FLOT1: variants seen among roughly 807,000 people sequenced by gnomAD.
FLOT1 encodes flotillin 1.
FLOT1 carries 40 observed loss-of-function variants against 58.4 expected under a neutral mutation model. That is an observed-to-expected ratio of 0.69 (90% confidence interval 0.53 to 0.89). FLOT1 has a LOEUF of 0.89. FLOT1 is among the 40% of genes least tolerant of loss of function. FLOT1 has a pLI of 0.00. For missense variants in FLOT1, 423 were observed against 540.8 expected, an observed-to-expected ratio of 0.78 and a Z score of 2.16; for synonymous variants, 178 against 204.2, an observed-to-expected ratio of 0.87 and a Z score of 1.09.
At chr6:30,732,428 T>C (rs1259296711) in intron 8 of FLOT1, among the ~76,000 whole-genome samples, 1 of 152,024 alleles carries the variant, frequency 6.6e-6, no homozygotes, top group Non-Finnish European at 1.5e-5. Flanking sequence ...CATGGCTCAC[T>C]GCAGCCTTGA....
In FLOT1 at chr6:30,742,296, C is replaced by G. The variant is rs780123746; in HGVS notation, c.-14-93G>C. On this transcript the variant is annotated intron_variant, in intron 1 of 12. Coordinates refer to ENST00000376389, the MANE Select transcript of FLOT1 (RefSeq NM_005803.4). The surrounding 1 kb of genome is among the most constrained non-coding windows in gnomAD (Gnocchi z 5.2). Reference sequence around the variant, plus strand: ...CCTTTCCCTTTCCCGTCAGGCCCTCCCAGTCTGCATCCGCCACGGCCCGTC... The same window carrying G: ...CCTTTCCCTTTCCCGTCAGGCCCTCGCAGTCTGCATCCGCCACGGCCCGTC... The G allele has an allele frequency of 9.2e-7, 1 of 1,087,776 alleles. No homozygotes were observed. The highest frequency in any genetic ancestry group is 2.4e-5 in the East Asian group (1 of 42,408). 67.4% of individuals were successfully genotyped at this position (1,087,776 alleles called of 1,614,324 possible).
chr6:30,737,236 CCG>C lies in FLOT1; in HGVS notation c.723+2920_723+2921del, dbSNP rs1358302943. Among the ~76,000 whole-genome samples the C allele has an allele frequency of 2.7e-5, 4 of 148,312 alleles. No homozygotes were observed. The highest frequency in any genetic ancestry group is 5.9e-5 in the Non-Finnish European group (4 of 67,480). Reference sequence around the variant, plus strand: ...TCCGTCCGTCCGTCCGTCCGTCCGTCCGTCCGTCCGTCCATCCGTCCATCCAT... The same window carrying C: ...TCCGTCCGTCCGTCCGTCCGTCCGTCTCCGTCCGTCCATCCGTCCATCCAT... On this transcript the variant is annotated intron_variant, in intron 8 of 12. Coordinates refer to ENST00000376389, the MANE Select transcript of FLOT1 (RefSeq NM_005803.4). This position sits in a 1 kb window ranked among gnomAD's most constrained non-coding sequence, Gnocchi z 4.4.
Position 30,740,843 on chromosome 6 carries a change from T to C in FLOT1, c.355-45A>G, listed in dbSNP as rs764007535. 4 of 1,565,498 alleles carry C rather than the reference T, an allele frequency of 2.6e-6. No individual in the cohort carries two copies. In the South Asian group the frequency reaches 4.7e-5, roughly 19 times the overall value. ...GGGAGAAGGGATGTAAGTTTTTTTTTTTTTTTTTTTTTTGCTCACTGCAAC... is the reference window on the plus strand; with the variant it reads ...GGGAGAAGGGATGTAAGTTTTTTTTCTTTTTTTTTTTTTGCTCACTGCAAC... On this transcript the variant is annotated intron_variant, in intron 5 of 12. Transcript: ENST00000376389.
In FLOT1 at chr6:30,730,929, C is replaced by T; in HGVS notation, c.895G>A (p.Glu299Lys). The T allele has an allele frequency of 1.9e-6, 3 of 1,612,576 alleles. No homozygotes were observed. Among genetic ancestry groups the T allele is most frequent in the Non-Finnish European group, 2.5e-6 (3 of 1,179,032 alleles). Residue 299 changes from glutamate (E) to lysine (K), a missense_variant, in exon 9 of 13, where the codon GAG becomes AAG. Glu to Lys is a moderately conservative substitution (Grantham distance 56). This residue lies in a region of FLOT1 where 106 missense variants were observed against 88.4 expected (regional missense o/e 1.20). Coordinates refer to ENST00000376389, the MANE Select transcript of FLOT1 (RefSeq NM_005803.4). ...AERYKLERLA[E>K]AEKSQLIMQA... is the part of the protein sequence containing the mutation. ...GGAGGGGACATTTACTTCTCTGCCTCGGCTAGGCGCTCCAGCTTGTAGCGC... is the reference window on the plus strand; with the variant it reads ...GGAGGGGACATTTACTTCTCTGCCTTGGCTAGGCGCTCCAGCTTGTAGCGC...
In FLOT1 at chr6:30,741,080, C is replaced by A; in HGVS notation, c.354+110G>T. On this transcript the variant is annotated intron_variant, in intron 5 of 12. Coordinates refer to ENST00000376389, the MANE Select transcript of FLOT1 (RefSeq NM_005803.4). This position sits in a 1 kb window ranked among gnomAD's most constrained non-coding sequence, Gnocchi z 5.9. The stretch of plus-strand genomic sequence containing the variant: ...GGGATTACAGGCATGAACCACCCTG[C>A]CCGGCCGGGATGTATGCTCTTGGAT... The A allele has an allele frequency of 3.7e-6, 5 of 1,364,694 alleles. No individual in the cohort carries two copies. The highest frequency in any genetic ancestry group is 5.1e-6 in the Non-Finnish European group (5 of 988,798). 84.5% of individuals were successfully genotyped at this position (1,364,694 alleles called of 1,614,324 possible).
chr6:30,733,697 G>A (rs1430001933), intron 8 of FLOT1, among the ~76,000 whole-genome samples: 1 of 143,266 alleles, frequency 7.0e-6, no homozygotes, highest in Non-Finnish European at 1.5e-5. Flanking sequence ...CTGAGATCAC[G>A]CCATTGCACT....
At chr6:30,729,558 C>T (rs1776999624) in intron 12 of FLOT1, among the ~76,000 whole-genome samples, 1 of 152,194 alleles carries the variant, frequency 6.6e-6, no homozygotes, top group Non-Finnish European at 1.5e-5. Context: ...AGCTAGCAGG[C>T]ATTGTAGCTA....
Position 30,740,899 on chromosome 6 carries a change from G to A in FLOT1, c.355-101C>T, listed in dbSNP as rs1241405890. 2.1e-6 allele frequency: 3 copies of A among 1,446,022 alleles called. No individual in the cohort carries two copies. The African/African-American group carries it at 4.8e-5, about 23-fold the overall frequency. The allele number at this position is 1,446,022 out of a possible 1,614,324, so 89.6% of individuals were successfully genotyped here. A position where few individuals can be genotyped will look rare whatever the true frequency, so the allele number is the denominator to read the frequency against. ...CCTCCTGGGTTCAAGTGATTCTCCTGCCTCAGCCTCCCAAGTAGCTGGGAT... is the reference window on the plus strand; with the variant it reads ...CCTCCTGGGTTCAAGTGATTCTCCTACCTCAGCCTCCCAAGTAGCTGGGAT... On this transcript the variant is annotated intron_variant, in intron 5 of 12. Transcript: ENST00000376389.
At chr6:30,729,225 C>A (rs1776974236) in intron 12 of FLOT1, among the ~76,000 whole-genome samples, 1 of 151,966 alleles carries the variant, frequency 6.6e-6, no homozygotes, top group African/African-American at 2.4e-5. Flanking sequence ...CAGGCATGCA[C>A]CACCAAGCCT....
chr6:30,729,068 G>A (rs1004954942), intron 12 of FLOT1, among the ~76,000 whole-genome samples: 14 of 149,272 alleles, frequency 9.4e-5, no homozygotes, highest in South Asian at 6.3e-4. Flanking sequence ...ATGAGCTACC[G>A]CGCCTGGAAT....
chr6:30,729,257 T>A (rs1776977709), intron 12 of FLOT1, among the ~76,000 whole-genome samples: 1 of 151,694 alleles, frequency 6.6e-6, no homozygotes, highest in Admixed American at 6.6e-5. Context: ...TTTTGTATTT[T>A]TAGTAAAGAT....
chr6:30,740,796 C>G lies in FLOT1; in HGVS notation c.357G>C (p.Glu119Asp). 6.2e-7 allele frequency: 1 copy of G among 1,608,206 alleles called. No individual in the cohort carries two copies. Among genetic ancestry groups the G allele is most frequent in the Non-Finnish European group, 8.5e-7 (1 of 1,177,324 alleles). The change falls in exon 6 of 13, where the codon GAG (glutamate) becomes GAC (aspartate). Residue 119 changes from glutamate (E) to aspartate (D), a missense_variant and splice_region_variant. Glu to Asp is a conservative substitution (Grantham distance 45, BLOSUM62 2). This residue lies in a region of FLOT1 where 137 missense variants were observed against 194.6 expected (regional missense o/e 0.70). Transcript: ENST00000376389. ...RAIMAHMTVE[E>D]IYKDRQKFSE... Reference sequence around the variant, plus strand: ...AGAATTTCTGCCTGTCCTTATAGATCTCCTGTGATAACAGGATGGTGGGGA... The same window carrying G: ...AGAATTTCTGCCTGTCCTTATAGATGTCCTGTGATAACAGGATGGTGGGGA...
In FLOT1 at chr6:30,741,967, T is replaced by C. The variant is rs1778024344; in HGVS notation, c.44-100A>G. On this transcript the variant is annotated intron_variant, in intron 2 of 12. Coordinates refer to ENST00000376389, the MANE Select transcript of FLOT1 (RefSeq NM_005803.4). The surrounding 1 kb of genome is among the most constrained non-coding windows in gnomAD (Gnocchi z 5.9). ...GGACAGCAACCCACAGGAGAGAATC[T>C]GGGAGCTGGAGGGGAAGCAGTCTGG... 1 of 1,266,548 alleles carries C rather than the reference T, an allele frequency of 7.9e-7. No homozygotes were observed. Among genetic ancestry groups the C allele is most frequent in the Non-Finnish European group, 1.1e-6 (1 of 878,352 alleles). The allele number at this position is 1,266,548 out of a possible 1,614,324, so 78.5% of individuals were successfully genotyped here. A position where few individuals can be genotyped will look rare whatever the true frequency, so the allele number is the denominator to read the frequency against.
intron 8 of FLOT1, among the ~76,000 whole-genome samples, chr6:30,731,736 A>G (rs1382901789): frequency 6.6e-6 from 1 of 152,184 alleles, no homozygotes; most frequent in African/African-American, 2.4e-5. Flanking sequence ...GGCTACTGCA[A>G]TAGCTGACTT....
At chr6:30,730,395 C>T (rs781454411) in intron 11 of FLOT1, 33 bp downstream of exon 11, 8 of 1,541,608 alleles carry the variant, frequency 5.2e-6, no homozygotes, top group Non-Finnish European at 7.0e-6. Flanking sequence ...GGTTCTATTT[C>T]CTCCTTTCTT....
intron 8 of FLOT1, among the ~76,000 whole-genome samples, chr6:30,734,309 C>CTT (rs568968027): frequency 1.9e-4 from 26 of 135,834 alleles, no homozygotes; most frequent in African/African-American, 3.8e-4. Context: ...ATGTGCTTGA[C>CTT]TTTTTTTTTT....
At chr6:30,736,998 C>T (rs1211546911) in intron 8 of FLOT1, among the ~76,000 whole-genome samples, 1 of 152,026 alleles carries the variant, frequency 6.6e-6, no homozygotes, top group South Asian at 2.1e-4. Flanking sequence ...CAATAGCTTT[C>T]CACTGTGCTT....
chr6:30,740,856 T>C (rs541425313), intron 5 of FLOT1, 58 bp from the exon 6 acceptor site: 5 of 1,519,792 alleles, frequency 3.3e-6, no homozygotes, highest in Admixed American at 2.1e-5. Flanking sequence ...TTTTTTTTTT[T>C]GCTCACTGCA....
rs546831217 is a variant in FLOT1 at position 30,730,471 on chromosome 6, T to A, written c.1046A>T (p.Gln349Leu). ...AKKAEAFQLY[Q>L]EAAQLDMLLE... Reference sequence around the variant, plus strand: ...CAGCATGTCCAGCTGAGCAGCCTCTTGGTACAGCTGGAAGGCTTCTGCCTT... The same window carrying A: ...CAGCATGTCCAGCTGAGCAGCCTCTAGGTACAGCTGGAAGGCTTCTGCCTT... Residue 349 changes from glutamine (Q) to leucine (L), a missense_variant, in exon 11 of 13, where the codon CAA (glutamine) becomes CTA (leucine). Transcript: ENST00000376389. The A allele has an allele frequency of 6.8e-5, 109 of 1,604,138 alleles. 3 individuals are homozygous for A. The South Asian group carries it at 1.1e-3, about 17-fold the overall frequency.
Sources: gnomAD v4.1 joint callset for allele counts (sites outside exome capture counted in the v4.1 genomes callset) on GRCh38, gnomAD v4.1.1 for gene constraint, gnomAD v4.1.1 regional missense constraint, Gnocchi (gnomAD v3.1) non-coding constraint, MANE v1.5 for transcripts, NCBI Gene and HGNC (gene_info 2026-07-23, HGNC 2026-07-21) for gene names.